MADD: variants seen among roughly 807,000 people sequenced by gnomAD.
The protein encoded by MADD is MAP kinase-activating death domain protein.
MADD carries 109 observed loss-of-function variants against 176.7 expected under a neutral mutation model. That is an observed-to-expected ratio of 0.62 (90% CI 0.53 to 0.72). The LOEUF is 0.72. Among genes scored for constraint, MADD ranks in the 30% least tolerant of loss-of-function variants. The pLI, the probability that MADD is intolerant of heterozygous loss-of-function variation, is 0.00. For missense variants in MADD, 1,914 were observed against 2,045.5 expected, an observed-to-expected ratio of 0.94 and a Z score of 1.24; for synonymous variants, 771 against 771.3, an observed-to-expected ratio of 1.00 and a Z score of 0.01.
exon 8 of MADD, chr11:47,281,658 G>C (rs994323921): frequency 3.1e-6 from 5 of 1,613,414 alleles, no homozygotes; most frequent in Non-Finnish European, 4.2e-6. Flanking sequence ...CCCTTCTCTT[G>C]GGAAGGCCTT....
At chr11:47,292,519 C>T in intron 19 of MADD, 24 bp from the exon 21 acceptor site, 2 of 1,612,002 alleles carry the variant, frequency 1.2e-6, no homozygotes, top group South Asian at 2.2e-5. Flanking sequence ...TCTTTCTCTC[C>T]TGCTTGCATT....
At chr11:47,292,877 A>G (rs1196280138) in intron 19 of MADD, among the ~76,000 whole-genome samples, 1 of 151,958 alleles carries the variant, frequency 6.6e-6, no homozygotes. Flanking sequence ...ATGTTTGCCT[A>G]TTTTAGTGCC....
intron 26 of MADD, among the ~76,000 whole-genome samples, chr11:47,313,310 CTTTT>C (rs1215130526): frequency 6.9e-6 from 1 of 144,688 alleles, no homozygotes; most frequent in Non-Finnish European, 1.5e-5. Context: ...TATTTTCTTT[CTTTT>C]TTTTTTTTTG....
At chr11:47,276,892 T>A in intron 5 of MADD, 29 bp downstream of exon 5, 1 of 1,612,268 alleles carries the variant, frequency 6.2e-7, no homozygotes, top group East Asian at 2.2e-5. Flanking sequence ...TCCGGCTTTC[T>A]CACCTCTGTC....
intron 25 of MADD, among the ~76,000 whole-genome samples, chr11:47,309,836 C>T (rs182476395): frequency 8.3e-6 from 1 of 120,536 alleles, no homozygotes; most frequent in Non-Finnish European, 1.7e-5. Flanking sequence ...ACTGATGATT[C>T]TCTTTTTTTT....
intron 12 of MADD, among the ~76,000 whole-genome samples, 169 bp downstream of exon 12, chr11:47,284,734 A>G (rs963726869): frequency 2.0e-5 from 3 of 152,096 alleles, no homozygotes; most frequent in Non-Finnish European, 2.9e-5. Context: ...TTGACCCCAA[A>G]AGGAGGTCAT....
At chr11:47,304,495 G>A (rs2080942458) in intron 22 of MADD, among the ~76,000 whole-genome samples, 1 of 152,108 alleles carries the variant, frequency 6.6e-6, no homozygotes, top group Non-Finnish European at 1.5e-5. Context: ...CTCCCAAAGT[G>A]TTGGGATTAC....
At chr11:47,291,737 C>T (rs2065491193) in intron 19 of MADD, among the ~76,000 whole-genome samples, 1 of 152,212 alleles carries the variant, frequency 6.6e-6, no homozygotes, top group South Asian at 2.1e-4. Context: ...CCCATATCAG[C>T]CTCCAACTAG....
intron 20 of MADD, among the ~76,000 whole-genome samples, chr11:47,294,909 G>C (rs1183693591): frequency 6.6e-6 from 1 of 152,066 alleles, no homozygotes; most frequent in African/African-American, 2.4e-5. Flanking sequence ...ACTAAAAACA[G>C]TGGTTAACGT....
At chr11:47,304,852 G>T (rs769870135) in intron 22 of MADD, among the ~76,000 whole-genome samples, 1 of 152,040 alleles carries the variant, frequency 6.6e-6, no homozygotes, top group Non-Finnish European at 1.5e-5. Context: ...CCCACATCTG[G>T]CAGAACAGTC....
intron 18 of MADD, 21 bp downstream of exon 19, chr11:47,290,320 G>T (rs775923407): frequency 6.2e-7 from 1 of 1,609,636 alleles, no homozygotes; most frequent in Non-Finnish European, 8.5e-7. Context: ...TACTTGCTGG[G>T]CACCACGCCA....
intron 8 of MADD, 99 bp from the exon 9 acceptor site, chr11:47,282,282 A>G: frequency 1.2e-6 from 1 of 857,832 alleles, no homozygotes; most frequent in Non-Finnish European, 1.9e-6. Flanking sequence ...TGATGTTGGA[A>G]GCCTGTTAAG....
intron 30 of MADD, 24 bp downstream of exon 34, chr11:47,326,576 C>T (rs755196506): frequency 1.8e-4 from 261 of 1,419,884 alleles, no homozygotes; most frequent in Non-Finnish European, 2.3e-4. Flanking sequence ...CTGCTATCTT[C>T]GCTTCTTAGC....
intron 25 of MADD, among the ~76,000 whole-genome samples, chr11:47,310,690 G>A (rs2087920860): frequency 8.7e-6 from 1 of 115,428 alleles, no homozygotes. Flanking sequence ...CAGATCACCT[G>A]AGGTCAGGAG....
chr11:47,274,830 G>T (rs1182042699), exon 3 of MADD: 18 of 1,614,114 alleles, frequency 1.1e-5, no homozygotes, highest in Non-Finnish European at 1.3e-5. Context: ...AGGAGAAGGG[G>T]GAAGGTGGGG....
rs1463367344 is a variant in MADD at position 47,273,855 on chromosome 11, A to T, written c.-60A>T. 3 of 1,443,466 alleles carry T rather than the reference A, an allele frequency of 2.1e-6. No individual in the cohort carries two copies. The highest frequency in any genetic ancestry group is 4.5e-5 in the East Asian group (2 of 43,994). The allele number at this position is 1,443,466 out of a possible 1,614,324, so 89.4% of individuals were successfully genotyped here. A position where few individuals can be genotyped will look rare whatever the true frequency, so the allele number is the denominator to read the frequency against. On this transcript the variant is annotated 5_prime_UTR_variant, in exon 2 of 33. The change abolishes an upstream ATG in the 5' untranslated region. Coordinates refer to ENST00000402192, the Ensembl canonical transcript of MADD. ...TCGATTTTCAGAATTCCTCCTGGGA[A>T]TGCTGACTCCTTGCTTGGTGCCCTG...
chr11:47,285,194 G>T (rs376589140), exon 13 of MADD: 4 of 1,613,142 alleles, frequency 2.5e-6, no homozygotes, highest in Non-Finnish European at 3.4e-6. Flanking sequence ...AGTGGCAATC[G>T]GTGAGAGCCT....
In MADD at chr11:47,309,670, CTGTCG is replaced by C. The variant is rs1318540714; in HGVS notation, c.3978+59_3978+63del. 72 of 1,360,028 alleles carry C rather than the reference CTGTCG, an allele frequency of 5.3e-5. No homozygotes were observed. The Middle Eastern group carries it at 6.7e-3, about 126-fold the overall frequency. The allele number at this position is 1,360,028 out of a possible 1,614,324, so 84.2% of individuals were successfully genotyped here. On this transcript the variant is annotated intron_variant, in intron 25 of 32. Transcript: ENST00000402192. Reference sequence around the variant, plus strand: ...GATCCTAGAGGGGCAAGGCTTGTTCCTGTCGCCTAAATTTCGGGGTAGCTGGGAAG... The same window carrying C: ...GATCCTAGAGGGGCAAGGCTTGTTCCCCTAAATTTCGGGGTAGCTGGGAAG...
rs564614744 is a variant in MADD, at chr11:47,320,748, C to G, written c.4198-2923C>G. Among the ~76,000 whole-genome samples, 16 of 151,812 alleles carry G rather than the reference C, an allele frequency of 1.1e-4. No individual in the cohort carries two copies. The East Asian group carries it at 2.7e-3, about 26-fold the overall frequency. On this transcript the variant is annotated intron_variant, in intron 27 of 32. Coordinates refer to ENST00000402192, the Ensembl canonical transcript of MADD. The stretch of plus-strand genomic sequence containing the variant: ...ACCAGCCTGGGCAACATAGGGAAAC[C>G]CCGTCTCCACAAAAAATTTTAAAAT...
Sources: gnomAD v4.1 joint callset for allele counts (sites outside exome capture counted in the v4.1 genomes callset) on GRCh38, gnomAD v4.1.1 for gene constraint, MANE v1.5 for transcripts, NCBI Gene and HGNC (gene_info 2026-07-23, HGNC 2026-07-21) for gene names.